EXO1: variants seen among roughly 807,000 people sequenced by gnomAD.
EXO1 encodes the protein exonuclease 1.
In EXO1, 69 loss-of-function variants were observed where a neutral mutation model predicts 84.5. The ratio of observed to expected loss-of-function variants is 0.82; its 90% CI spans 0.67 to 1.00. EXO1 has a LOEUF of 1.00. Ranked by LOEUF, EXO1 falls within the 50% of genes least tolerant of loss-of-function variation. The pLI is 0.00. For missense variants in EXO1, 1,045 were observed against 1,000.7 expected, an observed-to-expected ratio of 1.04 and a Z score of -0.60; for synonymous variants, 373 against 366.1, an observed-to-expected ratio of 1.02 and a Z score of -0.21.
intron 8 of EXO1, among the ~76,000 whole-genome samples, chr1:241,858,982 T>A (rs1661218792): frequency 6.6e-6 from 1 of 152,158 alleles, no homozygotes. Flanking sequence ...TATTCTAGGG[T>A]AAAATTAAAC....
intron 8 of EXO1, 80 bp from the exon 9 acceptor site, chr1:241,860,437 A>G (rs1218351987): frequency 9.0e-7 from 1 of 1,114,756 alleles, no homozygotes; most frequent in Non-Finnish European, 1.4e-6. Context: ...CCTCTTTATG[A>G]ATGTAAATCA....
intron 6 of EXO1, among the ~76,000 whole-genome samples, 187 bp downstream of exon 6, chr1:241,853,668 C>T (rs777913418): frequency 1.1e-4 from 17 of 151,784 alleles, no homozygotes; most frequent in Admixed American, 6.6e-4. Flanking sequence ...AAGGAGAAAT[C>T]CTAAGGCATA....
chr1:241,856,331 C>T (rs1429833062), intron 6 of EXO1, among the ~76,000 whole-genome samples: 3 of 150,484 alleles, frequency 2.0e-5, no homozygotes, highest in African/African-American at 4.9e-5. Flanking sequence ...TAGTTTAGAA[C>T]ATGGAAGTTC....
At chr1:241,855,830 G>GC (rs1660986600) in intron 6 of EXO1, among the ~76,000 whole-genome samples, 1 of 152,240 alleles carries the variant, frequency 6.6e-6, no homozygotes, top group Non-Finnish European at 1.5e-5. Flanking sequence ...CGGGTGCTAA[G>GC]CCCTCATTGC....
At chr1:241,863,674 A>G (rs945879580) in intron 10 of EXO1, among the ~76,000 whole-genome samples, 2 of 152,178 alleles carry the variant, frequency 1.3e-5, no homozygotes, top group African/African-American at 4.8e-5. Context: ...CTAAAAATGA[A>G]CTTTATCAGC....
Position 241,861,467 on chromosome 1 carries a change from G to T in EXO1, c.1006G>T (p.Glu336Ter), listed in dbSNP as rs1661378158. ...ALGNKDINTFEQIDDYNPDTA... is the reference protein window; with the variant it reads ...ALGNKDINTF ...TGGAAATAAAGATATAAATACTTTT[G>T]AACAGATCGATGACTACAATCCAGA... The change falls in exon 10 of 16, where the codon GAA (glutamate) becomes TAA (stop). Residue 336 changes from glutamate to a stop codon, truncating the protein, a stop_gained. Transcript: ENST00000366548. LOFTEE classifies it high-confidence loss of function. The T allele has an allele frequency of 6.3e-7, 1 of 1,592,776 alleles. No individual in the cohort carries two copies. The highest frequency in any genetic ancestry group is 8.6e-7 in the Non-Finnish European group (1 of 1,160,774).
intron 4 of EXO1, among the ~76,000 whole-genome samples, chr1:241,851,548 TA>T (rs3835629): frequency 0.078 from 11,880 of 152,310 alleles, 726 homozygotes; most frequent in Admixed American, 0.19. Flanking sequence ...ATAGAAGTTG[TA>T]AATGCAGTTG....
intron 8 of EXO1, among the ~76,000 whole-genome samples, chr1:241,859,081 C>T (rs986602576): frequency 3.3e-5 from 5 of 152,076 alleles, no homozygotes; most frequent in African/African-American, 4.8e-5. Context: ...CCTCAAGCTC[C>T]TTTATGGTAA....
chr1:241,861,881 A>G (rs1022702242), intron 10 of EXO1, among the ~76,000 whole-genome samples: 1 of 152,112 alleles, frequency 6.6e-6, no homozygotes, highest in Non-Finnish European at 1.5e-5. Flanking sequence ...ACTCATGCAC[A>G]ATTTAACAAA....
chr1:241,872,191 C>G lies in EXO1; in HGVS notation c.1427C>G (p.Pro476Arg), dbSNP rs777057223. 21 of 1,613,688 alleles carry G rather than the reference C, an allele frequency of 1.3e-5. 1 individual carries two copies. The South Asian group carries it at 2.3e-4, about 18-fold the overall frequency. The change falls in exon 12 of 16, where the codon CCA becomes CGA. Residue 476 changes from proline to arginine, a missense_variant. Pro to Arg is a moderately radical substitution (Grantham distance 103). Coordinates refer to ENST00000366548, the MANE Select transcript of EXO1 (RefSeq NM_130398.4). The stretch of plus-strand genomic sequence containing the variant: ...ACTAACAAAAAGAGTGTAAGCACTC[C>G]ACCTAGGACGAGAAATAAATTTGCA... Reference protein sequence around the residue: ...GPTNKKSVSTPPRTRNKFATF... With the variant: ...GPTNKKSVSTRPRTRNKFATF...
rs1313802049 is a variant in EXO1 at position 241,857,379 on chromosome 1, C to T, written c.440C>T (p.Ala147Val). The T allele has an allele frequency of 2.5e-6, 4 of 1,613,902 alleles. No homozygotes were observed. Among genetic ancestry groups the T allele is most frequent in the Non-Finnish European group, 3.4e-6 (4 of 1,179,920 alleles). ...TCTCAGGGGGTAGATTGCCTCGTGG[C>T]TCCCTATGAAGCTGATGCGCAGTTG... ...ARSQGVDCLV[A>V]PYEADAQLAY... is the part of the protein sequence containing the mutation. The change falls in exon 7 of 16, where the codon GCT (alanine) becomes GTT (valine). Residue 147 changes from alanine (A) to valine (V), a missense_variant. Physicochemically the swap from Ala to Val is moderately conservative, Grantham distance 64. Transcript: ENST00000366548.
Position 241,878,858 on chromosome 1 carries a change from T to C in EXO1, c.1624T>C (p.Tyr542His). The change falls in exon 13 of 16, where the codon TAT becomes CAT. Residue 542 changes from tyrosine to histidine, a missense_variant. Physicochemically the swap from Tyr to His is moderately conservative, Grantham distance 83. Coordinates refer to ENST00000366548, the MANE Select transcript of EXO1 (RefSeq NM_130398.4). ...AGAGAACAATCTGCATGAATCAGAG[T>C]ATGGAGACCAAGAAGGCAAGAGACT... The part of the protein sequence containing the change: ...DKENNLHESE[Y>H]GDQEGKRLVD... The C allele has an allele frequency of 6.2e-7, 1 of 1,613,824 alleles. No homozygotes were observed. Among genetic ancestry groups the C allele is most frequent in the Non-Finnish European group, 8.5e-7 (1 of 1,179,838 alleles).
At position 241,872,062 on chromosome 1, in the gene EXO1, A is replaced by G. The variant is rs762980419; in HGVS notation, c.1298A>G (p.Gln433Arg). The change falls in exon 12 of 16, where the codon CAG becomes CGG. Residue 433 changes from glutamine to arginine, a missense_variant. By Grantham distance (43) the Gln-to-Arg change is conservative. Coordinates refer to ENST00000366548, the MANE Select transcript of EXO1 (RefSeq NM_130398.4). ...AELSEDDLLS[Q>R]YSLSFTKKTK... ...CTGTCAGAAGATGACCTGTTGAGTC[A>G]GTATTCTCTTTCATTTACGAAGAAG... 5 of 1,613,150 alleles carry G rather than the reference A, an allele frequency of 3.1e-6. No homozygotes were observed. Among genetic ancestry groups the G allele is most frequent in the Admixed American group, 1.7e-5 (1 of 59,986 alleles).
intron 12 of EXO1, among the ~76,000 whole-genome samples, chr1:241,875,366 A>G (rs1225026387): frequency 6.6e-6 from 1 of 152,222 alleles, no homozygotes; most frequent in Non-Finnish European, 1.5e-5. Flanking sequence ...TGATGGGAGA[A>G]GAGCATGAAA....
At chr1:241,871,538 C>T (rs571949434) in intron 11 of EXO1, among the ~76,000 whole-genome samples, 1 of 152,170 alleles carries the variant, frequency 6.6e-6, no homozygotes, top group African/African-American at 2.4e-5. Flanking sequence ...GAAGTAATAA[C>T]GATCAGAGCT....
rs184415200 is a variant in EXO1, at chr1:241,864,597, T to C, written c.1042-2233T>C. ...CGTTAGTCATTCCCCCACCAGGGGC[T>C]TCTGTAATTCCAAGACTTTAATTCT... On this transcript the variant is annotated intron_variant, in intron 10 of 15. Transcript: ENST00000366548. Among the ~76,000 whole-genome samples, 25 of 152,332 alleles carry C rather than the reference T, an allele frequency of 1.6e-4. No individual in the cohort carries two copies. The East Asian group carries it at 4.6e-3, about 28-fold the overall frequency.
intron 11 of EXO1, among the ~76,000 whole-genome samples, chr1:241,871,605 C>T (rs1662093325): frequency 6.6e-6 from 1 of 152,178 alleles, no homozygotes; most frequent in African/African-American, 2.4e-5. Flanking sequence ...AAACCCAGAA[C>T]ACATAAACCA....
At chr1:241,861,066 G>A (rs982076199) in intron 9 of EXO1, among the ~76,000 whole-genome samples, 3 of 152,210 alleles carry the variant, frequency 2.0e-5, no homozygotes, top group African/African-American at 7.2e-5. Flanking sequence ...TGCATCAGGA[G>A]AGGATGCCCT....
intron 14 of EXO1, among the ~76,000 whole-genome samples, chr1:241,884,544 T>G (rs1219452253): frequency 6.6e-6 from 1 of 152,218 alleles, no homozygotes; most frequent in Non-Finnish European, 1.5e-5. Context: ...AATAAAATTC[T>G]ATTTCCTGTG....
Sources: gnomAD v4.1 joint callset for allele counts (sites outside exome capture counted in the v4.1 genomes callset) on GRCh38, gnomAD v4.1.1 for gene constraint, MANE v1.5 for transcripts, NCBI Gene and HGNC (gene_info 2026-07-23, HGNC 2026-07-21) for gene names.